The following ANKS1B variants were observed in gnomAD, a reference collection of about 807,000 sequenced individuals.
ANKS1B encodes the protein ankyrin repeat and sterile alpha motif domain containing 1B.
A neutral mutation model predicts 148.3 loss-of-function variants in ANKS1B; 36 were observed. The ratio of observed to expected loss-of-function variants is 0.24; its 90% CI spans 0.19 to 0.32. ANKS1B has a LOEUF of 0.32. Among genes scored for constraint, ANKS1B ranks in the 10% least tolerant of loss-of-function variants. The pLI is 1.00. For synonymous variants in ANKS1B, 542 were observed against 560.8 expected, an observed-to-expected ratio of 0.97 and a Z score of 0.47; for missense variants, 1,157 against 1,542.6, an observed-to-expected ratio of 0.75 and a Z score of 4.19.
At position 99,223,647 on chromosome 12, in the gene ANKS1B, T is replaced by C. The variant is rs117713007; in HGVS notation, c.2419+20695A>G. ...CTCACCTGCTGCTCACTTCCTGCTATGCAGCCAGGTTTCTAACAGGCCATG... is the reference window on the plus strand; with the variant it reads ...CTCACCTGCTGCTCACTTCCTGCTACGCAGCCAGGTTTCTAACAGGCCATG... On this transcript the variant is annotated intron_variant, in intron 14 of 26. Coordinates refer to ENST00000683438, the MANE Select transcript of ANKS1B (RefSeq NM_001352186.2). Among the ~76,000 whole-genome samples, 99 of 152,318 alleles carry C rather than the reference T, an allele frequency of 6.5e-4. 1 individual carries two copies. The East Asian group carries it at 0.015, about 24-fold the overall frequency.
Position 99,399,658 on chromosome 12 carries a change from C to CTTCTG in ANKS1B, c.1724_1728dup (p.Val577GlnfsTer79), listed in dbSNP as rs1487523182. 1 of 1,613,344 alleles carries CTTCTG rather than the reference C, an allele frequency of 6.2e-7. No individual in the cohort carries two copies. The stretch of plus-strand genomic sequence containing the variant: ...GTATGGTTAGTTCCCTCATTCTTGA[C>CTTCTG]TTCTGTGGTTCCCACAGAAGAGGTG... On this transcript the variant is annotated frameshift_variant, in exon 12 of 27. Coordinates refer to ENST00000683438, the MANE Select transcript of ANKS1B (RefSeq NM_001352186.2). LOFTEE classifies it high-confidence loss of function.
At position 99,895,702 on chromosome 12, in the gene ANKS1B, C is replaced by A. The variant is rs1171051711; in HGVS notation, c.135-70313G>T. 2.0e-5 allele frequency among the ~76,000 whole-genome samples: 3 copies of A among 151,048 alleles called. No individual in the cohort carries two copies. In the Admixed American group the frequency reaches 2.0e-4, roughly 10 times the overall value. On this transcript the variant is annotated intron_variant, in intron 1 of 26. Coordinates refer to ENST00000683438, the MANE Select transcript of ANKS1B (RefSeq NM_001352186.2). ...ACAGAAATAGATCCACATGAACTAC[C>A]TGCTTAACACACCAGCACACCTCCC...
intron 17 of ANKS1B, among the ~76,000 whole-genome samples, chr12:98,927,554 CT>C (rs1200787532): frequency 3.3e-5 from 5 of 151,670 alleles, no homozygotes; most frequent in African/African-American, 1.2e-4. Context: ...TAAATATATA[CT>C]TTTTTAATTG....
chr12:99,159,849 G>A (rs1014210945), intron 14 of ANKS1B, among the ~76,000 whole-genome samples: 2 of 152,178 alleles, frequency 1.3e-5, no homozygotes, highest in African/African-American at 4.8e-5. Context: ...CCCATCAACA[G>A]TGTATAAGTG....
chr12:99,477,844 C>T (rs1279783942), intron 10 of ANKS1B, among the ~76,000 whole-genome samples: 3 of 152,088 alleles, frequency 2.0e-5, no homozygotes, highest in East Asian at 1.9e-4. Flanking sequence ...GATTAACTTA[C>T]ATTTGACCCA....
chr12:98,873,511 T>C (rs934001200), intron 17 of ANKS1B, among the ~76,000 whole-genome samples: 3 of 152,194 alleles, frequency 2.0e-5, no homozygotes, highest in African/African-American at 7.2e-5. Context: ...AAAGTGTCTA[T>C]TGATGAATTT....
At chr12:99,790,591 C>A (rs1161864448) in intron 4 of ANKS1B, among the ~76,000 whole-genome samples, 1 of 151,906 alleles carries the variant, frequency 6.6e-6, no homozygotes, top group Middle Eastern at 3.4e-3. Flanking sequence ...TAAAGAGAAA[C>A]AACAAAAAGT....
intron 14 of ANKS1B, among the ~76,000 whole-genome samples, chr12:99,195,574 A>G (rs1397765387): frequency 2.0e-5 from 3 of 152,212 alleles, no homozygotes; most frequent in Non-Finnish European, 2.9e-5. Context: ...AGTAGAATGT[A>G]GGGCAAATTT....
intron 1 of ANKS1B, among the ~76,000 whole-genome samples, chr12:99,868,105 A>G (rs2090995710): frequency 2.0e-5 from 3 of 152,192 alleles, no homozygotes; most frequent in African/African-American, 7.2e-5. Flanking sequence ...ATGATTTTTA[A>G]AAAAGAAACT....
intron 12 of ANKS1B, among the ~76,000 whole-genome samples, chr12:99,363,618 G>A (rs934435437): frequency 2.0e-5 from 3 of 152,044 alleles, no homozygotes; most frequent in Admixed American, 1.3e-4. Flanking sequence ...TTCAGAGCCT[G>A]TACCTAATGT....
At chr12:99,893,323 AT>A (rs2093215937) in intron 1 of ANKS1B, among the ~76,000 whole-genome samples, 1 of 151,738 alleles carries the variant, frequency 6.6e-6, no homozygotes. Context: ...AGGCAGGAGA[AT>A]GGCATGAACC....
At chr12:99,505,411 C>T (rs1782488066) in intron 9 of ANKS1B, among the ~76,000 whole-genome samples, 1 of 151,770 alleles carries the variant, frequency 6.6e-6, no homozygotes, top group Admixed American at 6.6e-5. Flanking sequence ...TAGTATCTTT[C>T]CTTGTAAATA....
At position 99,479,825 on chromosome 12, in the gene ANKS1B, G is replaced by T. The variant is rs76454633; in HGVS notation, c.1438+24651C>A. ...TTAAGCTTTAGGGATCTATTGCACA[G>T]TATGGTGACTATAGTTAATACATTG... is the stretch of plus-strand genomic sequence containing the variant. On this transcript the variant is annotated intron_variant, in intron 10 of 26. Coordinates refer to ENST00000683438, the MANE Select transcript of ANKS1B (RefSeq NM_001352186.2). 7.9e-3 allele frequency among the ~76,000 whole-genome samples: 1,200 copies of T among 151,996 alleles called. 12 individuals carry two copies. Among genetic ancestry groups the T allele is most frequent in the African/African-American group, 0.027 (1,117 of 41,518 alleles).
chr12:99,155,786 T>C (rs1404564488), intron 14 of ANKS1B, among the ~76,000 whole-genome samples: 3 of 152,172 alleles, frequency 2.0e-5, no homozygotes, highest in Non-Finnish European at 4.4e-5. Flanking sequence ...CTGGCTAAAA[T>C]GTTCCTAGAG....
At chr12:99,570,385 C>T (rs1337216079) in intron 9 of ANKS1B, among the ~76,000 whole-genome samples, 4 of 151,962 alleles carry the variant, frequency 2.6e-5, no homozygotes, top group African/African-American at 4.8e-5. Flanking sequence ...CAGTGGCTCA[C>T]GCCTGTAATC....
At chr12:99,138,624 G>A (rs1171507500) in intron 15 of ANKS1B, among the ~76,000 whole-genome samples, 2 of 152,130 alleles carry the variant, frequency 1.3e-5, no homozygotes, top group Non-Finnish European at 2.9e-5. Context: ...CATGTATAGT[G>A]TCTGAAGCAC....
chr12:99,444,401 C>T (rs1393471639), intron 10 of ANKS1B, among the ~76,000 whole-genome samples: 1 of 151,846 alleles, frequency 6.6e-6, no homozygotes, highest in African/African-American at 2.4e-5. Context: ...AGTATAGCAA[C>T]CTATGTGGTC....
At chr12:98,755,375 A>C (rs1158062989) in intron 25 of ANKS1B, among the ~76,000 whole-genome samples, 2 of 152,250 alleles carry the variant, frequency 1.3e-5, no homozygotes, top group Non-Finnish European at 2.9e-5. Context: ...TGAAGAGCCC[A>C]TGGTGACACC....
intron 15 of ANKS1B, among the ~76,000 whole-genome samples, chr12:99,121,451 G>C (rs1202396357): frequency 1.3e-5 from 2 of 151,626 alleles, no homozygotes; most frequent in African/African-American, 2.4e-5. Context: ...TGTTACTTAA[G>C]GTACTTGAGG....
Sources: gnomAD v4.1 joint callset for allele counts (sites outside exome capture counted in the v4.1 genomes callset) on GRCh38, gnomAD v4.1.1 for gene constraint, MANE v1.5 for transcripts, NCBI Gene and HGNC (gene_info 2026-07-23, HGNC 2026-07-21) for gene names.